TP53BP1: variants seen among roughly 807,000 people sequenced by gnomAD.
TP53BP1 encodes the protein TP53-binding protein 1.
TP53BP1 carries 61 observed loss-of-function variants against 200.8 expected under a neutral mutation model. The observed-to-expected ratio is 0.30, with a 90% CI of 0.25 to 0.38. The LOEUF is 0.38. Among genes scored for constraint, TP53BP1 ranks in the 10% least tolerant of loss-of-function variants. TP53BP1 has a pLI of 1.00. For missense variants in TP53BP1, 2,144 were observed against 2,371.9 expected (o/e 0.90, Z 2.00); for synonymous variants, 822 against 844.3 (o/e 0.97, Z 0.46).
chr15:43,426,450 A>AAAAG (rs1470967885), intron 18 of TP53BP1, among the ~76,000 whole-genome samples: 1 of 151,568 alleles, frequency 6.6e-6, no homozygotes, highest in African/African-American at 2.4e-5. Context: ...AAAAAAAAAA[A>AAAAG]AAAAAAAAAA....
intron 1 of TP53BP1, among the ~76,000 whole-genome samples, chr15:43,508,456 G>A (rs572277312): frequency 6.6e-6 from 1 of 152,270 alleles, no homozygotes; most frequent in East Asian, 1.9e-4. Flanking sequence ...CCAGGAGTTT[G>A]GGACCAACCT....
In TP53BP1 at chr15:43,404,395, G is replaced by A. The variant is rs765982286; in HGVS notation, c.*2988C>T. 1.2e-6 allele frequency: 2 copies of A among 1,613,894 alleles called. No homozygotes were observed. The highest frequency in any genetic ancestry group is 1.7e-6 in the Non-Finnish European group (2 of 1,179,858). On this transcript the variant is annotated 3_prime_UTR_variant, in exon 28 of 28. Transcript: ENST00000382044. ...GGTGAGCTGAAGTGGAATGACAGCT[G>A]AGTCCTTCTCTCTGCAGGGCTTTAG...
chr15:43,485,551 T>C (rs2079034473), intron 4 of TP53BP1, among the ~76,000 whole-genome samples: 1 of 114,402 alleles, frequency 8.7e-6, no homozygotes. Context: ...CACTCCAGCC[T>C]GGGCAACAGA....
intron 1 of TP53BP1, among the ~76,000 whole-genome samples, chr15:43,508,636 T>G (rs1800390188): frequency 6.6e-6 from 1 of 152,188 alleles, no homozygotes; most frequent in South Asian, 2.1e-4. Context: ...TGTCTCTAAA[T>G]ATATATACGT....
intron 17 of TP53BP1, 99 bp from the exon 18 acceptor site, chr15:43,428,267 G>T: frequency 1.9e-6 from 2 of 1,039,876 alleles, no homozygotes; most frequent in Non-Finnish European, 1.4e-6. Flanking sequence ...GAGGCTCCAT[G>T]AATCTAGTGT....
chr15:43,424,322 A>C (rs2045476430), intron 18 of TP53BP1, among the ~76,000 whole-genome samples: 1 of 152,124 alleles, frequency 6.6e-6, no homozygotes, highest in Admixed American at 6.5e-5. Flanking sequence ...CCCCTTCCCT[A>C]GTTGTTATCC....
chr15:43,484,188 G>A lies in TP53BP1; in HGVS notation c.372-3166C>T, dbSNP rs138363354. Among the ~76,000 whole-genome samples, 409 of 152,240 alleles carry A rather than the reference G, an allele frequency of 2.7e-3. 2 individuals carry two copies. Among genetic ancestry groups the A allele is most frequent in the African/African-American group, 6.6e-3 (275 of 41,538 alleles). On this transcript the variant is annotated intron_variant, in intron 4 of 27. Transcript: ENST00000382044. ...CAAAAACTTGGAATCTGCCAGGCACGGTGGCATACATCTGTAGTCCCAGCT... is the reference window on the plus strand; with the variant it reads ...CAAAAACTTGGAATCTGCCAGGCACAGTGGCATACATCTGTAGTCCCAGCT...
chr15:43,415,727 T>C lies in TP53BP1; in HGVS notation c.4956A>G (p.Thr1652=). The change falls in exon 23 of 28, where the codon ACA becomes ACG. Residue 1652 remains threonine, a synonymous_variant. Transcript: ENST00000382044. ...TTTCTGTGATCTTTCGGGTAGGGGT[T>C]GTGCTGCTGCTACTGGAGGCAGTAG... ...ATPTASSSSS[T]TPTRKITESP... 3.7e-6 allele frequency: 6 copies of C among 1,614,174 alleles called. No homozygotes were observed. The highest frequency in any genetic ancestry group is 5.1e-6 in the Non-Finnish European group (6 of 1,180,032).
chr15:43,475,702 A>C lies in TP53BP1; in HGVS notation c.956-8T>G. On this transcript the variant is annotated splice_polypyrimidine_tract_variant and splice_region_variant and intron_variant, in intron 8 of 27. Transcript: ENST00000382044. ...AGCAACCATCAGAAGATACTGAAAAAAAGAAATTCCAGTTGCACTTCTCAG... is the reference window on the plus strand; with the variant it reads ...AGCAACCATCAGAAGATACTGAAAACAAGAAATTCCAGTTGCACTTCTCAG... The C allele has an allele frequency of 1.2e-6, 2 of 1,613,444 alleles. No homozygotes were observed. The highest frequency in any genetic ancestry group is 1.7e-6 in the Non-Finnish European group (2 of 1,179,982).
At chr15:43,475,914 AG>A (rs2078874715) in intron 8 of TP53BP1, among the ~76,000 whole-genome samples, 1 of 152,250 alleles carries the variant, frequency 6.6e-6, no homozygotes, top group African/African-American at 2.4e-5. Flanking sequence ...TCTTGAATAA[AG>A]AACTGATGAA....
chr15:43,423,199 C>G (rs917874455), intron 18 of TP53BP1, among the ~76,000 whole-genome samples: 1 of 149,260 alleles, frequency 6.7e-6, no homozygotes, highest in African/African-American at 2.5e-5. Context: ...GGAAAAGATT[C>G]TAAGACCAAT....
At chr15:43,409,973 A>G (rs1292306010) in intron 24 of TP53BP1, among the ~76,000 whole-genome samples, 1 of 152,218 alleles carries the variant, frequency 6.6e-6, no homozygotes, top group East Asian at 1.9e-4. Flanking sequence ...GACTGGAGGT[A>G]GGTCCTAGAC....
chr15:43,421,046 G>A lies in TP53BP1; in HGVS notation c.4229C>T (p.Pro1410Leu). The change falls in exon 20 of 28, where the codon CCT (proline) becomes CTT (leucine). Residue 1410 changes from proline to leucine, a missense_variant. Transcript: ENST00000382044. ...GTACCTGGTTCCAGTGGTCCGAGAA[G>A]GTGGGCGGCCCCTTCGCCCACGCCC... ...PRGRGRRGRP[P>L]SRTTGTRETA... 1.2e-6 allele frequency: 2 copies of A among 1,613,596 alleles called. No individual in the cohort carries two copies. Among genetic ancestry groups the A allele is most frequent in the Non-Finnish European group, 8.5e-7 (1 of 1,179,832 alleles).
intron 4 of TP53BP1, among the ~76,000 whole-genome samples, chr15:43,482,933 A>G (rs1337563734): frequency 6.6e-6 from 1 of 152,218 alleles, no homozygotes; most frequent in Non-Finnish European, 1.5e-5. Context: ...CTGTCTCCAA[A>G]AAAAGAAAAG....
At chr15:43,458,817 C>T (rs2046361774) in intron 11 of TP53BP1, among the ~76,000 whole-genome samples, 1 of 151,926 alleles carries the variant, frequency 6.6e-6, no homozygotes, top group Admixed American at 6.6e-5. Context: ...TTCACAAAAC[C>T]CAGGATTAGC....
chr15:43,447,974 C>T (rs1365427802), intron 12 of TP53BP1, among the ~76,000 whole-genome samples: 1 of 152,118 alleles, frequency 6.6e-6, no homozygotes, highest in Admixed American at 6.5e-5. Flanking sequence ...ACAATCTAAT[C>T]AAAGAGATGA....
At chr15:43,421,216 G>T in intron 19 of TP53BP1, 42 bp from the exon 20 acceptor site, 2 of 1,603,158 alleles carry the variant, frequency 1.2e-6, no homozygotes, top group Non-Finnish European at 8.5e-7. Context: ...ACCTGCTACT[G>T]AATCTTTTCT....
At chr15:43,414,960 G>C (rs548101008) in intron 23 of TP53BP1, among the ~76,000 whole-genome samples, 1 of 151,938 alleles carries the variant, frequency 6.6e-6, no homozygotes, top group Non-Finnish European at 1.5e-5. Context: ...CCCCAACCTC[G>C]GCCTCCCAAA....
chr15:43,436,445 A>G (rs1360858155), intron 16 of TP53BP1, among the ~76,000 whole-genome samples: 3 of 151,820 alleles, frequency 2.0e-5, no homozygotes, highest in Non-Finnish European at 4.4e-5. Context: ...TAAGTATCAT[A>G]TATTCCATAT....
Sources: gnomAD v4.1 joint callset for allele counts (sites outside exome capture counted in the v4.1 genomes callset) on GRCh38, gnomAD v4.1.1 for gene constraint, MANE v1.5 for transcripts, NCBI Gene and HGNC (gene_info 2026-07-23, HGNC 2026-07-21) for gene names.